JAK1: variants seen among roughly 807,000 people sequenced by gnomAD.
The protein encoded by JAK1 is tyrosine-protein kinase JAK1.
Under a neutral mutation model 136.6 loss-of-function variants are expected in JAK1, and 16 were observed. The ratio of observed to expected loss-of-function variants is 0.12; its 90% CI spans 0.08 to 0.18. JAK1 has a LOEUF of 0.18. Among genes scored for constraint, JAK1 ranks in the 10% least tolerant of loss-of-function variants. The probability of loss-of-function intolerance (pLI) is 1.00; values close to 1 mark genes in which losing one functional copy is unlikely to be tolerated. For missense variants in JAK1, 859 were observed against 1,450.1 expected (o/e 0.59, Z 6.62); for synonymous variants, 492 against 519.5 (o/e 0.95, Z 0.72).
chr1:64,932,069 T>C (rs1169359790), intron 1 of JAK1, among the ~76,000 whole-genome samples: 2 of 151,828 alleles, frequency 1.3e-5, no homozygotes, highest in Admixed American at 6.6e-5. Flanking sequence ...TCTTTACATC[T>C]CATTTAACGC....
chr1:65,027,233 T>A (rs548382479), intron 2 of JAK1, among the ~76,000 whole-genome samples: 1 of 149,764 alleles, frequency 6.7e-6, no homozygotes, highest in Admixed American at 6.6e-5. Context: ...CCTGGCTAAT[T>A]TTTTTTTTCT....
At chr1:65,049,747 C>T (rs1647234918) in intron 1 of JAK1, among the ~76,000 whole-genome samples, 1 of 152,162 alleles carries the variant, frequency 6.6e-6, no homozygotes, top group South Asian at 2.1e-4. Context: ...GTCCAAGGAA[C>T]CTCATATCCT....
chr1:64,999,385 T>G (rs956365339), intron 2 of JAK1, among the ~76,000 whole-genome samples: 2 of 152,212 alleles, frequency 1.3e-5, no homozygotes, highest in African/African-American at 4.8e-5. Context: ...TCTCTTTGCC[T>G]TTCTCATCCT....
chr1:64,936,926 A>G (rs905417122), intron 1 of JAK1, among the ~76,000 whole-genome samples: 1 of 152,106 alleles, frequency 6.6e-6, no homozygotes, highest in African/African-American at 2.4e-5. Flanking sequence ...TGGCAATTTT[A>G]TATTAATAAA....
At chr1:64,894,583 A>AC (rs921704791) in intron 1 of JAK1, among the ~76,000 whole-genome samples, 1 of 151,952 alleles carries the variant, frequency 6.6e-6, no homozygotes, top group African/African-American at 2.4e-5. Flanking sequence ...ATATGGTGAA[A>AC]CCCCGTCTCT....
intron 1 of JAK1, among the ~76,000 whole-genome samples, chr1:64,948,076 T>C (rs1005436230): frequency 3.3e-5 from 5 of 152,186 alleles, no homozygotes; most frequent in African/African-American, 1.2e-4. Context: ...GGGTAATACA[T>C]AGAGATCCTT....
Position 64,983,626 on chromosome 1 carries a change from T to G in JAK1, c.-78+60854A>C, listed in dbSNP as rs143030236. Among the ~76,000 whole-genome samples the G allele has an allele frequency of 3.6e-4, 55 of 152,270 alleles. 1 individual carries two copies. In the East Asian group the frequency reaches 9.5e-3, roughly 26 times the overall value. ...CCACCAGATGGGTGGTGGGGTTACT[T>G]AAAAAGTAATGAGTCTACTACAAGG... On this transcript the variant is annotated intron_variant, in intron 2 of 25. Coordinates refer to the JAK1 transcript ENST00000671954.
chr1:64,929,251 T>C lies in JAK1; in HGVS notation c.-78+37082A>G, dbSNP rs1001473126. Among the ~76,000 whole-genome samples the C allele has an allele frequency of 7.2e-5, 11 of 152,360 alleles. No homozygotes were observed. The East Asian group carries it at 1.2e-3, about 16-fold the overall frequency. Reference sequence around the variant, plus strand: ...TGCATTGTAATAAAAAGAGTGACCATACATTATCATCTGTCTTGCAGTTTG... The same window carrying C: ...TGCATTGTAATAAAAAGAGTGACCACACATTATCATCTGTCTTGCAGTTTG... On this transcript the variant is annotated intron_variant, in intron 1 of 24. Coordinates refer to ENST00000342505, the MANE Select transcript of JAK1 (RefSeq NM_002227.4).
At chr1:64,930,125 T>A (rs1463296460) in intron 1 of JAK1, among the ~76,000 whole-genome samples, 1 of 152,076 alleles carries the variant, frequency 6.6e-6, no homozygotes, top group African/African-American at 2.4e-5. Flanking sequence ...CCAAAAGCAA[T>A]GGCAACAAAA....
At chr1:64,931,573 T>G (rs1023061121) in intron 1 of JAK1, among the ~76,000 whole-genome samples, 4 of 151,970 alleles carry the variant, frequency 2.6e-5, no homozygotes, top group Non-Finnish European at 5.9e-5. Context: ...AGGCAATTAC[T>G]ACGCTCCAGG....
At chr1:64,878,793 T>C (rs912131124) in intron 4 of JAK1, among the ~76,000 whole-genome samples, 1 of 152,128 alleles carries the variant, frequency 6.6e-6, no homozygotes, top group Non-Finnish European at 1.5e-5. Context: ...CAAAATATCC[T>C]CTGCCTTATC....
At chr1:65,053,556 G>A (rs1647390605) in intron 1 of JAK1, among the ~76,000 whole-genome samples, 1 of 151,974 alleles carries the variant, frequency 6.6e-6, no homozygotes, top group Non-Finnish European at 1.5e-5. Flanking sequence ...ACTCACTTAA[G>A]AACAGGATAG....
intron 20 of JAK1, among the ~76,000 whole-genome samples, chr1:64,839,329 T>TAGGAATC (rs1466622451): frequency 6.6e-6 from 1 of 151,684 alleles, no homozygotes; most frequent in Non-Finnish European, 1.5e-5. Context: ...GGAGGTAGAG[T>TAGGAATC]AGGAATCAGT....
At chr1:64,962,780 G>C (rs942814001) in intron 1 of JAK1, among the ~76,000 whole-genome samples, 2 of 152,230 alleles carry the variant, frequency 1.3e-5, no homozygotes, top group Non-Finnish European at 2.9e-5. Flanking sequence ...TAAAAACAAT[G>C]AACCAGGCCA....
intron 1 of JAK1, among the ~76,000 whole-genome samples, chr1:65,054,193 A>G (rs1384897842): frequency 6.6e-6 from 1 of 152,104 alleles, no homozygotes; most frequent in Non-Finnish European, 1.5e-5. Context: ...TTATATTCTT[A>G]TTATCAAATT....
In JAK1 at chr1:65,067,135, A is replaced by AGGCCCGGCCC. The variant is rs942736288; in HGVS notation, c.-181+459_-181+468dup. Among the ~76,000 whole-genome samples the AGGCCCGGCCC allele has an allele frequency of 4.0e-5, 6 of 151,520 alleles. No homozygotes were observed. In the East Asian group the frequency reaches 7.9e-4, roughly 20 times the overall value. On this transcript the variant is annotated intron_variant, in intron 1 of 25. Coordinates refer to the JAK1 transcript ENST00000671954. ...CCTCGCAGTCGGTCCCGGAGTGCGG[A>AGGCCCGGCCC]GGCCCGGCCCGGCCCGCCCCGCGCC... is the stretch of plus-strand genomic sequence containing the variant.
At chr1:65,030,049 G>A (rs915713204) in intron 2 of JAK1, among the ~76,000 whole-genome samples, 1 of 152,184 alleles carries the variant, frequency 6.6e-6, no homozygotes, top group South Asian at 2.1e-4. Flanking sequence ...GGTATTAGGA[G>A]GTGAGGCTTT....
intron 22 of JAK1, among the ~76,000 whole-genome samples, chr1:64,837,132 C>T (rs1220753839): frequency 5.9e-5 from 9 of 152,170 alleles, no homozygotes; most frequent in African/African-American, 1.7e-4. Context: ...AAACCAAGCC[C>T]GAACCCTTCT....
chr1:64,949,376 G>A (rs533615142), intron 1 of JAK1, among the ~76,000 whole-genome samples: 41 of 152,270 alleles, frequency 2.7e-4, no homozygotes, highest in African/African-American at 9.4e-4. Context: ...TATTAGTCAT[G>A]CAAAAATGTA....
Sources: allele counts gnomAD v4.1 joint callset (sites outside exome capture counted in the v4.1 genomes callset), GRCh38; gene constraint gnomAD v4.1.1; transcripts MANE v1.5; gene names NCBI Gene and HGNC (gene_info 2026-07-23, HGNC 2026-07-21).